TXNRD2: variants seen among roughly 807,000 people sequenced by gnomAD.
TXNRD2 encodes thioredoxin reductase 2, also known as thioredoxin reductase 2, mitochondrial.
In TXNRD2, 67 loss-of-function variants were observed where a neutral mutation model predicts 70.8. That is an observed-to-expected ratio of 0.95 (90% CI 0.78 to 1.16). TXNRD2 has a LOEUF of 1.16. Among genes scored for constraint, TXNRD2 ranks in the 50% most tolerant of loss-of-function variants. The pLI, the probability that TXNRD2 is intolerant of heterozygous loss-of-function variation, is 0.00. For synonymous variants in TXNRD2, 301 were observed against 295.8 expected (o/e 1.02, Z -0.18); for missense variants, 644 against 719.9 (o/e 0.89, Z 1.21).
At chr22:19,916,905 G>A (rs556116383) in intron 5 of TXNRD2, among the ~76,000 whole-genome samples, 8 of 152,242 alleles carry the variant, frequency 5.3e-5, no homozygotes, top group Admixed American at 1.3e-4. Flanking sequence ...CACTGCACCC[G>A]ACCAACACTT....
intron 2 of TXNRD2, among the ~76,000 whole-genome samples, chr22:19,921,439 T>C (rs888032676): frequency 7.0e-6 from 1 of 143,388 alleles, no homozygotes; most frequent in African/African-American, 2.6e-5. Flanking sequence ...AAAAAGCCAG[T>C]GTGCCAGTGT....
chr22:19,914,616 G>GT (rs1172837245), intron 7 of TXNRD2, among the ~76,000 whole-genome samples: 1 of 152,156 alleles, frequency 6.6e-6, no homozygotes, highest in Non-Finnish European at 1.5e-5. Context: ...GAGACAGAAA[G>GT]TAGGTGGTGG....
rs770717429 is a variant in TXNRD2 at position 19,931,058 on chromosome 22, TC to T, written c.143del (p.Gly48AspfsTer49). Reference sequence around the variant, plus strand: ...CCTTGGCACAAGCCAGGCCACCAGATCCCCCGCCGACCACCAGGAGATCATA... The same window carrying T: ...CCTTGGCACAAGCCAGGCCACCAGATCCCCGCCGACCACCAGGAGATCATA... ...RDYDLLVVGG[G>X]SGGLACAKEA... On this transcript the variant is annotated frameshift_variant, in exon 2 of 18. Coordinates refer to ENST00000400521, the MANE Select transcript of TXNRD2 (RefSeq NM_006440.5). LOFTEE classifies it high-confidence loss of function. 1 of 1,613,414 alleles carries T rather than the reference TC, an allele frequency of 6.2e-7. No homozygotes were observed. Among genetic ancestry groups the T allele is most frequent in the Admixed American group, 1.7e-5 (1 of 59,992 alleles).
chr22:19,923,521 T>A (rs1239936545), intron 2 of TXNRD2, among the ~76,000 whole-genome samples: 1 of 152,200 alleles, frequency 6.6e-6, no homozygotes, highest in Non-Finnish European at 1.5e-5. Context: ...GCGTGGTAAC[T>A]GACGCCTGTA....
intron 14 of TXNRD2, among the ~76,000 whole-genome samples, chr22:19,879,531 GTATCA>G (rs1938659514): frequency 1.5e-5 from 2 of 132,152 alleles, no homozygotes; most frequent in African/African-American, 5.5e-5. Context: ...AAGAGGATGG[GTATCA>G]GGATGTGGTG....
chr22:19,891,796 G>T (rs917996482), intron 11 of TXNRD2: 1 of 152,380 alleles, frequency 6.6e-6, no homozygotes, highest in South Asian at 2.1e-4. Flanking sequence ...CAAACAATGA[G>T]CGGGGGCCCC....
intron 8 of TXNRD2, among the ~76,000 whole-genome samples, chr22:19,899,570 CAG>C (rs1910987436): frequency 6.6e-6 from 1 of 152,276 alleles, no homozygotes. Context: ...GCCAGCTCCC[CAG>C]AGAGGGGACT....
chr22:19,935,153 G>A (rs1372049163), intron 1 of TXNRD2, among the ~76,000 whole-genome samples: 1 of 152,200 alleles, frequency 6.6e-6, no homozygotes, highest in African/African-American at 2.4e-5. Flanking sequence ...GGACGTGCAA[G>A]TAGGAGAGAT....
At chr22:19,912,843 C>G (rs1411547063) in intron 7 of TXNRD2, among the ~76,000 whole-genome samples, 1 of 152,230 alleles carries the variant, frequency 6.6e-6, no homozygotes, top group Non-Finnish European at 1.5e-5. Flanking sequence ...CCTGTTTCCA[C>G]AGTAAGCACA....
intron 14 of TXNRD2, 152 bp from the exon 15 acceptor site, chr22:19,878,589 C>A: frequency 1.3e-6 from 1 of 783,652 alleles, no homozygotes. Context: ...GGGATGAGGG[C>A]TTGGCTGGCC....
intron 2 of TXNRD2, among the ~76,000 whole-genome samples, chr22:19,927,651 C>CAAA (rs149665821): frequency 1.8e-4 from 12 of 68,358 alleles, no homozygotes; most frequent in Non-Finnish European, 2.5e-4. Context: ...GACCTTGTCT[C>CAAA]AAAAAAAAAA....
chr22:19,895,275 C>A lies in TXNRD2; in HGVS notation c.949+132G>T, dbSNP rs1601409434. On this transcript the variant is annotated intron_variant, in intron 11 of 17. Coordinates refer to ENST00000400521, the MANE Select transcript of TXNRD2 (RefSeq NM_006440.5). ...CCTTCACGGTTGCTCTCGAGGTGCA[C>A]TGGGGAGCGGCCAACCCGCCTGGCA... is the stretch of plus-strand genomic sequence containing the variant. 2.6e-5 allele frequency: 41 copies of A among 1,594,806 alleles called. No homozygotes were observed. In the East Asian group the frequency reaches 8.9e-4, roughly 35 times the overall value.
chr22:19,878,112 G>T lies in TXNRD2; in HGVS notation c.1423C>A (p.Gln475Lys). 6.2e-7 allele frequency: 1 copy of T among 1,613,492 alleles called. No individual in the cohort carries two copies. Among genetic ancestry groups the T allele is most frequent in the South Asian group, 1.1e-5 (1 of 91,044 alleles). Reference protein sequence around the residue: ...FLGPNAGEVTQGFALGIKCGA... With the variant: ...FLGPNAGEVTKGFALGIKCGA... ...TACTTGATCCCCAGAGCAAATCCTT[G>T]AGTAACTTCGCCTGCGTTGGGGCCA... The change falls in exon 16 of 18, where the codon CAA (glutamine) becomes AAA (lysine). Residue 475 changes from glutamine to lysine, a missense_variant. Gln to Lys is a moderately conservative substitution (Grantham distance 53, BLOSUM62 1). This residue lies in a region of TXNRD2 where 566 missense variants were observed against 645.0 expected (regional missense o/e 0.88). Coordinates refer to ENST00000400521, the MANE Select transcript of TXNRD2 (RefSeq NM_006440.5).
At chr22:19,920,141 G>A (rs1293680741) in intron 2 of TXNRD2, among the ~76,000 whole-genome samples, 3 of 152,198 alleles carry the variant, frequency 2.0e-5, no homozygotes, top group South Asian at 2.1e-4. Context: ...GAGAAGTGAC[G>A]CAGCAGCCCC....
intron 14 of TXNRD2, among the ~76,000 whole-genome samples, chr22:19,879,537 GGA>G (rs1938659829): frequency 1.3e-5 from 2 of 149,524 alleles, no homozygotes; most frequent in African/African-American, 4.9e-5. Context: ...ATGGGTATCA[GGA>G]TGTGGTGGGG....
At chr22:19,908,181 T>C (rs1175692219) in intron 8 of TXNRD2, among the ~76,000 whole-genome samples, 988 of 54,862 alleles carry the variant, frequency 0.018, no homozygotes, top group Middle Eastern at 0.16. Flanking sequence ...TAGCAGTGAC[T>C]GCTCTCAGGA....
At chr22:19,928,348 C>A (rs796844767) in intron 2 of TXNRD2, among the ~76,000 whole-genome samples, 14 of 152,200 alleles carry the variant, frequency 9.2e-5, no homozygotes, top group African/African-American at 3.4e-4. Context: ...GGAACACGTA[C>A]ACGAAACGGC....
intron 2 of TXNRD2, among the ~76,000 whole-genome samples, chr22:19,923,427 C>T (rs768418877): frequency 9.9e-5 from 15 of 152,088 alleles, no homozygotes; most frequent in Admixed American, 3.3e-4. Flanking sequence ...GGGCAGCTCT[C>T]GACCTGTCCT....
intron 12 of TXNRD2, among the ~76,000 whole-genome samples, chr22:19,881,706 A>G (rs957083981): frequency 3.9e-5 from 6 of 152,242 alleles, no homozygotes; most frequent in Non-Finnish European, 7.3e-5. Flanking sequence ...AGAGATGCAC[A>G]TGGCACTGTC....
Sources: allele counts gnomAD v4.1 joint callset (sites outside exome capture counted in the v4.1 genomes callset), GRCh38; gene constraint gnomAD v4.1.1; regional missense constraint gnomAD v4.1.1; transcripts MANE v1.5; gene names NCBI Gene and HGNC (gene_info 2026-07-23, HGNC 2026-07-21).